The following DDX46 variants were observed in gnomAD, a reference collection of about 807,000 sequenced individuals.
DDX46 encodes DEAD-box helicase 46.
In DDX46, 30 loss-of-function variants were observed where a neutral mutation model predicts 134.9. The observed-to-expected ratio is 0.22, with a 90% CI of 0.17 to 0.30. The LOEUF is 0.30. DDX46 is among the 10% of genes least tolerant of loss of function. DDX46 has a pLI of 1.00. For synonymous variants in DDX46, 415 were observed against 404.1 expected (o/e 1.03, Z -0.32); for missense variants, 622 against 1,248.7 (o/e 0.50, Z 7.56).
chr5:134,765,116 TG>T (rs1447685103), intron 2 of DDX46, among the ~76,000 whole-genome samples: 1 of 150,736 alleles, frequency 6.6e-6, no homozygotes, highest in East Asian at 1.9e-4. Flanking sequence ...TCACCCAGGC[TG>T]GAGTGCAGTG....
intron 20 of DDX46, 88 bp from the exon 21 acceptor site, chr5:134,818,772 A>G (rs1237974788): frequency 1.1e-5 from 12 of 1,114,268 alleles, no homozygotes; most frequent in South Asian, 6.8e-5. Context: ...CCATAATATG[A>G]TATCAGCCAG....
intron 3 of DDX46, among the ~76,000 whole-genome samples, chr5:134,769,006 C>T (rs918752580): frequency 5.3e-5 from 8 of 151,974 alleles, no homozygotes; most frequent in Non-Finnish European, 8.8e-5. Context: ...TGCAGTGAGC[C>T]GAGATTGCGC....
At chr5:134,764,154 G>A (rs1580768613) in intron 2 of DDX46, 62 bp downstream of exon 2, 2 of 1,498,146 alleles carry the variant, frequency 1.3e-6, no homozygotes, top group Admixed American at 2.2e-5. Context: ...GCTATAGCAG[G>A]CTTCTTGAAA....
intron 16 of DDX46, among the ~76,000 whole-genome samples, chr5:134,809,095 C>G (rs953007038): frequency 5.3e-4 from 81 of 152,216 alleles, no homozygotes; most frequent in African/African-American, 1.8e-3. Context: ...ATTTAGCTCA[C>G]CTGCTTATGC....
chr5:134,793,140 G>A (rs1409008015), intron 13 of DDX46, among the ~76,000 whole-genome samples: 3 of 152,156 alleles, frequency 2.0e-5, no homozygotes, highest in Admixed American at 2.0e-4. Flanking sequence ...CTGGGCGACA[G>A]AGTGAGACCG....
In DDX46 at chr5:134,807,882, C is replaced by T; in HGVS notation, c.2089C>T (p.Pro697Ser). 1.2e-6 allele frequency: 2 copies of T among 1,614,102 alleles called. No individual in the cohort carries two copies. Among genetic ancestry groups the T allele is most frequent in the Non-Finnish European group, 1.7e-6 (2 of 1,180,028 alleles). The change falls in exon 16 of 23, where the codon CCC becomes TCC. Residue 697 changes from proline (P) to serine (S), a missense_variant. Physicochemically the swap from Pro to Ser is moderately conservative, Grantham distance 74. Coordinates refer to ENST00000452510, the MANE Select transcript of DDX46 (RefSeq NM_001300860.2). ...HLILVVNYSCPNHYEDYVHRA... is the reference protein window; with the variant it reads ...HLILVVNYSCSNHYEDYVHRA... Reference sequence around the variant, plus strand: ...GATTCTTGTAGTAAATTATAGCTGCCCCAACCATTATGAGGATTATGTACA... The same window carrying T: ...GATTCTTGTAGTAAATTATAGCTGCTCCAACCATTATGAGGATTATGTACA...
intron 6 of DDX46, among the ~76,000 whole-genome samples, chr5:134,779,445 T>C (rs1035455186): frequency 2.0e-5 from 3 of 152,316 alleles, no homozygotes; most frequent in Non-Finnish European, 1.5e-5. Context: ...CTGTCTGCCT[T>C]GGCCTCCCAA....
At chr5:134,827,717 T>C (rs997986706) in intron 22 of DDX46, among the ~76,000 whole-genome samples, 26 of 150,406 alleles carry the variant, frequency 1.7e-4, no homozygotes, top group African/African-American at 6.3e-4. Context: ...CATGTAGCAA[T>C]AATTCATTTT....
rs1287991782 is a variant in DDX46, at chr5:134,829,361, A to T, written c.*655A>T. 1 of 152,198 alleles carries T rather than the reference A, an allele frequency of 6.6e-6. No homozygotes were observed. The highest frequency in any genetic ancestry group is 1.5e-5 in the Non-Finnish European group (1 of 68,034). The allele number at this position is 152,198 out of a possible 1,614,324, so 9.4% of individuals were successfully genotyped here. The stretch of plus-strand genomic sequence containing the variant: ...TCTACAAAGAGTTATAGTATTTACT[A>T]CTTTGAGGTTTCCCTCACAACTTCT... On this transcript the variant is annotated 3_prime_UTR_variant, in exon 23 of 23. Coordinates refer to ENST00000452510, the MANE Select transcript of DDX46 (RefSeq NM_001300860.2).
At chr5:134,789,496 A>G (rs1754442314) in intron 12 of DDX46, among the ~76,000 whole-genome samples, 1 of 152,102 alleles carries the variant, frequency 6.6e-6, no homozygotes, top group South Asian at 2.1e-4. Context: ...CTAATTGTAC[A>G]TGAAGTTGGC....
At position 134,784,838 on chromosome 5, in the gene DDX46, G is replaced by T. The variant is rs142828893; in HGVS notation, c.1342+297G>T. The T allele has an allele frequency of 1.3e-4, 24 of 183,074 alleles. No individual in the cohort carries two copies. The East Asian group carries it at 1.4e-3, about 11-fold the overall frequency. The allele number at this position is 183,074 out of a possible 1,614,324, so 11.3% of individuals were successfully genotyped here. ...CATCTATCTGTTTATTTATATTGAG[G>T]TTTGTTAGCCCAGTATCAGTGGATA... On this transcript the variant is annotated intron_variant, in intron 10 of 22. Coordinates refer to ENST00000452510, the MANE Select transcript of DDX46 (RefSeq NM_001300860.2).
At chr5:134,786,516 A>G (rs1754339887) in intron 11 of DDX46, among the ~76,000 whole-genome samples, 1 of 152,046 alleles carries the variant, frequency 6.6e-6, no homozygotes, top group Admixed American at 6.6e-5. Context: ...CTGATCTCTG[A>G]GCATTTGTTT....
chr5:134,763,890 A>T lies in DDX46; in HGVS notation c.18-14A>T, dbSNP rs746752991. 1.3e-5 allele frequency: 21 copies of T among 1,602,538 alleles called. No individual in the cohort carries two copies. The highest frequency in any genetic ancestry group is 1.6e-5 in the Non-Finnish European group (19 of 1,174,434). On this transcript the variant is annotated splice_polypyrimidine_tract_variant and intron_variant, in intron 1 of 22. Coordinates refer to ENST00000452510, the MANE Select transcript of DDX46 (RefSeq NM_001300860.2). ...TGGTGTTTGCTGAACTTAATCTTTG[A>T]CTTATTGTTCTAGCCACTATCGAAA...
Position 134,783,027 on chromosome 5 carries a change from G to C in DDX46, c.1128G>C (p.Gln376His). 6.2e-7 allele frequency: 1 copy of C among 1,613,710 alleles called. No homozygotes were observed. The highest frequency in any genetic ancestry group is 1.1e-5 in the South Asian group (1 of 91,058). The stretch of plus-strand genomic sequence containing the variant: ...CCAAACCAATTAAATCCTGGGTCCA[G>C]TGTGGAATTTCCATGAAGATCTTAA... Reference protein sequence around the residue: ...GCPKPIKSWVQCGISMKILNS... With the variant: ...GCPKPIKSWVHCGISMKILNS... The change falls in exon 9 of 23, where the codon CAG (glutamine) becomes CAC (histidine). Residue 376 changes from glutamine to histidine, a missense_variant. Physicochemically the swap from Gln to His is conservative, Grantham distance 24. Coordinates refer to ENST00000452510, the MANE Select transcript of DDX46 (RefSeq NM_001300860.2).
intron 15 of DDX46, among the ~76,000 whole-genome samples, chr5:134,804,347 G>A (rs565152317): frequency 3.3e-5 from 5 of 152,268 alleles, no homozygotes; most frequent in African/African-American, 1.2e-4. Context: ...GGTATATTGT[G>A]ACAGATTAAA....
chr5:134,811,409 C>T (rs931325351), intron 17 of DDX46, 51 bp downstream of exon 17: 6 of 1,563,090 alleles, frequency 3.8e-6, no homozygotes, highest in Non-Finnish European at 5.2e-6. Context: ...TGTGACTAAA[C>T]CTTGATTATT....
intron 14 of DDX46, 34 bp from the exon 15 acceptor site, chr5:134,795,954 A>T (rs1365237985): frequency 1.3e-6 from 2 of 1,589,852 alleles, no homozygotes; most frequent in Admixed American, 3.6e-5. Flanking sequence ...TTGCATTTTC[A>T]CTTCATTAAC....
At chr5:134,796,231 T>C in intron 15 of DDX46, 81 bp downstream of exon 15, 1 of 1,472,888 alleles carries the variant, frequency 6.8e-7, no homozygotes, top group Middle Eastern at 1.8e-4. Flanking sequence ...TGATACTTAC[T>C]TTGTTCTCTA....
chr5:134,766,663 G>A (rs150520275), intron 2 of DDX46, among the ~76,000 whole-genome samples: 1,811 of 152,308 alleles, frequency 0.012, 37 homozygotes, highest in African/African-American at 0.041. Flanking sequence ...AGAGGTTGCA[G>A]TGAGCTGCAA....
Sources: gnomAD v4.1 joint callset for allele counts (sites outside exome capture counted in the v4.1 genomes callset) on GRCh38, gnomAD v4.1.1 for gene constraint, MANE v1.5 for transcripts, NCBI Gene and HGNC (gene_info 2026-07-23, HGNC 2026-07-21) for gene names.